LAMA5: variants seen among roughly 807,000 people sequenced by gnomAD.
The protein encoded by LAMA5 is laminin subunit alpha-5.
A neutral mutation model predicts 433.4 loss-of-function variants in LAMA5; 260 were observed. The observed-to-expected ratio is 0.60, with a 90% CI of 0.54 to 0.66. LAMA5 has a LOEUF of 0.66. Ranked by LOEUF, LAMA5 falls within the 30% of genes least tolerant of loss-of-function variation. LAMA5 has a pLI of 0.00. For missense variants in LAMA5, 5,378 were observed against 5,258.5 expected, an observed-to-expected ratio of 1.02 and a Z score of -0.70; for synonymous variants, 2,620 against 2,226.6, an observed-to-expected ratio of 1.18 and a Z score of -4.97.
intron 20 of LAMA5, 70 bp from the exon 21 acceptor site, chr20:62,334,691 G>T: frequency 7.7e-7 from 1 of 1,299,754 alleles, no homozygotes; most frequent in Non-Finnish European, 1.1e-6. Context: ...CTCACAGCCA[G>T]ACTGAGAAGC....
At position 62,323,471 on chromosome 20, in the gene LAMA5, G is replaced by C; in HGVS notation, c.6049C>G (p.Pro2017Ala). 1 of 1,542,850 alleles carries C rather than the reference G, an allele frequency of 6.5e-7. No individual in the cohort carries two copies. The highest frequency in any genetic ancestry group is 1.8e-4 in the Middle Eastern group (1 of 5,552). Residue 2017 changes from proline to alanine, a missense_variant, in exon 45 of 80, where the codon CCC becomes GCC. Pro to Ala is a conservative substitution (Grantham distance 27). Transcript: ENST00000252999. ...CGACGCCTACGGGTGCAGTTGCCGG[G>C]CAGCAGGGCGTTGCCGTAGAAGCCG... ...APGFYGNALL[P>A]GNCTRCDCTP...
chr20:62,318,604 G>C lies in LAMA5; in HGVS notation c.7089C>G (p.Asn2363Lys). Residue 2363 changes from asparagine to lysine, a missense_variant, in exon 53 of 80, where the codon AAC (asparagine) becomes AAG (lysine). Asn to Lys is a moderately conservative substitution (Grantham distance 94). Coordinates refer to ENST00000252999, the MANE Select transcript of LAMA5 (RefSeq NM_005560.6). ...QEQLSSLWEE[N>K]QALATQTRDR... is the part of the protein sequence containing the mutation. Reference sequence around the variant, plus strand: ...CGCGGGTTTGTGTGGCCAGTGCCTGGTTCTCCTCCCAGAGGCTGCTCAGCT... The same window carrying C: ...CGCGGGTTTGTGTGGCCAGTGCCTGCTTCTCCTCCCAGAGGCTGCTCAGCT... 6.2e-7 allele frequency: 1 copy of C among 1,610,876 alleles called. No homozygotes were observed. Among genetic ancestry groups the C allele is most frequent in the South Asian group, 1.1e-5 (1 of 91,060 alleles).
chr20:62,335,472 C>T lies in LAMA5; in HGVS notation c.2324-203G>A, dbSNP rs553478714. On this transcript the variant is annotated intron_variant, in intron 18 of 79. Coordinates refer to ENST00000252999, the MANE Select transcript of LAMA5 (RefSeq NM_005560.6). ...CAAGGAACCCCTATACCCCAACACT[C>T]CCTCCAGAGCACACTATAGGCTCCA... Among the ~76,000 whole-genome samples the T allele has an allele frequency of 9.4e-5, 14 of 149,452 alleles. No homozygotes were observed. In the East Asian group the frequency reaches 1.8e-3, roughly 19 times the overall value.
At position 62,362,479 on chromosome 20, in the gene LAMA5, G is replaced by A. The variant is rs781700836; in HGVS notation, c.371C>T (p.Thr124Met). 2.4e-5 allele frequency: 39 copies of A among 1,604,918 alleles called. No homozygotes were observed. Among genetic ancestry groups the A allele is most frequent in the Admixed American group, 1.9e-4 (11 of 59,306 alleles). Residue 124 changes from threonine to methionine, a missense_variant, in exon 2 of 80, where the codon ACG becomes ATG. Physicochemically the swap from Thr to Met is moderately conservative, Grantham distance 81. Coordinates refer to ENST00000252999, the MANE Select transcript of LAMA5 (RefSeq NM_005560.6). ...AHPASNAIDG[T>M]ERWWQSPPLS... ...CGGTGGACTCTGCCACCAGCGCTCC[G>A]TGCCATCGATGGCATTGCTCGCGGG... is the stretch of plus-strand genomic sequence containing the variant.
intron 51 of LAMA5, 114 bp downstream of exon 51, chr20:62,319,570 C>CT: frequency 1.4e-6 from 1 of 732,094 alleles, no homozygotes; most frequent in South Asian, 1.7e-5. Flanking sequence ...CGTCTCCCAT[C>CT]TAAAAGACAG....
At position 62,314,834 on chromosome 20, in the gene LAMA5, C is replaced by G. The variant is rs1201680362; in HGVS notation, c.8161G>C (p.Glu2721Gln). The change falls in exon 60 of 80, where the codon GAG becomes CAG. Residue 2721 changes from glutamate to glutamine, a missense_variant. By Grantham distance (29) the Glu-to-Gln change is conservative (BLOSUM62 2). Coordinates refer to ENST00000252999, the MANE Select transcript of LAMA5 (RefSeq NM_005560.6). ...GCCCCCCGGGCCTGGGCAATGAGCT[C>G]TCGCACGCGGCCAATGCTGGCGGAC... Reference protein sequence around the residue: ...ALSASIGRVRELIAQARGAAS... With the variant: ...ALSASIGRVRQLIAQARGAAS... 1 of 1,612,860 alleles carries G rather than the reference C, an allele frequency of 6.2e-7. No individual in the cohort carries two copies. The highest frequency in any genetic ancestry group is 1.7e-5 in the Admixed American group (1 of 60,012).
chr20:62,330,744 T>TGGGGCTCACGCAGCAGGG lies in LAMA5; in HGVS notation c.3833_3850dup (p.Pro1283_Gln1284insProLeuLeuArgGluPro). The TGGGGCTCACGCAGCAGGG allele has an allele frequency of 1.3e-6, 2 of 1,559,346 alleles. No homozygotes were observed. The highest frequency in any genetic ancestry group is 1.7e-6 in the Non-Finnish European group (2 of 1,152,340). ...CCCTCTAGAGACTATGGCCCTCACCTGGGGCTCACGCAGCAGGGTGGGCTC... is the reference window on the plus strand; with the variant it reads ...CCCTCTAGAGACTATGGCCCTCACCTGGGGCTCACGCAGCAGGGGGGGCTCACGCAGCAGGGTGGGCTC... On this transcript the variant is annotated inframe_insertion and splice_region_variant, in exon 30 of 80. Coordinates refer to ENST00000252999, the MANE Select transcript of LAMA5 (RefSeq NM_005560.6).
intron 2 of LAMA5, among the ~76,000 whole-genome samples, chr20:62,357,020 G>A (rs950953910): frequency 6.6e-6 from 1 of 152,202 alleles, no homozygotes; most frequent in African/African-American, 2.4e-5. Context: ...GGGGCTTTCG[G>A]GGACCCTGGG....
chr20:62,333,335 G>C, intron 25 of LAMA5, 40 bp downstream of exon 25: 3 of 1,603,772 alleles, frequency 1.9e-6, no homozygotes, highest in Non-Finnish European at 2.6e-6. Context: ...GGGGGTCCAG[G>C]AAGCCCCCAC....
At chr20:62,312,856 C>G (rs1986467177) in intron 66 of LAMA5, 32 bp downstream of exon 66, 1 of 1,600,094 alleles carries the variant, frequency 6.2e-7, no homozygotes, top group East Asian at 2.2e-5. Flanking sequence ...CATCTCCTCT[C>G]CCTGCCACCC....
intron 50 of LAMA5, 126 bp downstream of exon 50, chr20:62,320,433 A>C (rs1387439960): frequency 1.5e-6 from 1 of 682,134 alleles, no homozygotes; most frequent in Non-Finnish European, 2.5e-6. Context: ...AAGACTCTCG[A>C]GCTCCTGTCC....
intron 6 of LAMA5, among the ~76,000 whole-genome samples, chr20:62,348,431 A>C (rs1025590850): frequency 1.3e-5 from 2 of 152,052 alleles, no homozygotes; most frequent in African/African-American, 4.8e-5. Flanking sequence ...GTGAAACCCC[A>C]TCTCTACTAA....
chr20:62,314,692 C>T lies in LAMA5; in HGVS notation c.8230G>A (p.Gly2744Arg), dbSNP rs796386192. 3 of 1,612,696 alleles carry T rather than the reference C, an allele frequency of 1.9e-6. No individual in the cohort carries two copies. The highest frequency in any genetic ancestry group is 1.1e-5 in the South Asian group (1 of 91,070). ...TCCCGTGGGGTGCGCAGCTGCACCC[C>T]TGAGCGCCCGTTGAACTTCATGGGC... is the stretch of plus-strand genomic sequence containing the variant. ...KVPMKFNGRSGVQLRTPRDLA... is the reference protein window; with the variant it reads ...KVPMKFNGRSRVQLRTPRDLA... The change falls in exon 61 of 80, where the codon GGG becomes AGG. Residue 2744 changes from glycine to arginine, a missense_variant. Transcript: ENST00000252999.
At position 62,346,150 on chromosome 20, in the gene LAMA5, G is replaced by T. The variant is rs375430013; in HGVS notation, c.1348C>A (p.Arg450=). Residue 450 remains arginine, a synonymous_variant, in exon 10 of 80, where the codon CGG becomes AGG. Transcript: ENST00000252999. ...CEDLTGRCYC[R]PNFSGERCDV... is the part of the protein sequence containing the mutation. The stretch of plus-strand genomic sequence containing the variant: ...CACCGCTCCCCAGAGAAGTTGGGCC[G>T]GCAGTAGCATCGACCCGTCAGGTCC... 1 of 1,613,044 alleles carries T rather than the reference G, an allele frequency of 6.2e-7. No homozygotes were observed. The highest frequency in any genetic ancestry group is 1.7e-5 in the Admixed American group (1 of 60,002).
At chr20:62,337,101 C>T in intron 16 of LAMA5, 2 of 602,556 alleles carry the variant, frequency 3.3e-6, no homozygotes, top group South Asian at 1.5e-5. Context: ...GATGCACCCA[C>T]TACACGTGCA....
At chr20:62,321,750 AGGGGTGGGGTCAGTGGG>A (rs1987832187) in intron 48 of LAMA5, among the ~76,000 whole-genome samples, 2 of 3,180 alleles carry the variant, frequency 6.3e-4, no homozygotes, top group East Asian at 0.011. Flanking sequence ...GGGCCAGTGG[AGGGGTGGGGTCAGTGGG>A]GGAGGAAGGG....
rs148731424 is a variant in LAMA5, at chr20:62,310,049, C to G, written c.10767G>C (p.Glu3589Asp). 18 of 1,611,178 alleles carry G rather than the reference C, an allele frequency of 1.1e-5. No individual in the cohort carries two copies. Among genetic ancestry groups the G allele is most frequent in the Middle Eastern group, 3.3e-4 (2 of 6,070 alleles). The change falls in exon 78 of 80, where the codon GAG (glutamate) becomes GAC (aspartate). Residue 3589 changes from glutamate to aspartate, a missense_variant. Glu to Asp is a conservative substitution (Grantham distance 45). Transcript: ENST00000252999. ...AGGGGCGGGTCACTGACGTGGAGAA[C>G]TCCCCTGCTCCGTCATCCGCCCGCA... ...VLLRADDGAGEFSTSVTRPSV... is the reference protein window; with the variant it reads ...VLLRADDGAGDFSTSVTRPSV...
chr20:62,317,027 C>T lies in LAMA5; in HGVS notation c.7512-4G>A, dbSNP rs1987017586. ...CTGGTTGACGTCCAGGATGATGCTGCAGCGGAAGGGAGGGTCGAAGGAGTG... is the reference window on the plus strand; with the variant it reads ...CTGGTTGACGTCCAGGATGATGCTGTAGCGGAAGGGAGGGTCGAAGGAGTG... On this transcript the variant is annotated splice_polypyrimidine_tract_variant and splice_region_variant and intron_variant, in intron 55 of 79. Transcript: ENST00000252999. 2.0e-6 allele frequency: 3 copies of T among 1,521,636 alleles called. No homozygotes were observed. Among genetic ancestry groups the T allele is most frequent in the Admixed American group, 4.2e-5 (2 of 47,270 alleles). 94.3% of individuals were successfully genotyped at this position (1,521,636 alleles called of 1,614,324 possible).
chr20:62,329,719 TG>T, intron 32 of LAMA5, 57 bp downstream of exon 32: 2 of 1,593,478 alleles, frequency 1.3e-6, no homozygotes, highest in South Asian at 2.2e-5. Flanking sequence ...TGTACCACAG[TG>T]GTAATGACAA....
Sources: gnomAD v4.1 joint callset for allele counts (sites outside exome capture counted in the v4.1 genomes callset) on GRCh38, gnomAD v4.1.1 for gene constraint, MANE v1.5 for transcripts, NCBI Gene and HGNC (gene_info 2026-07-23, HGNC 2026-07-21) for gene names.